SUGCT: variants seen among roughly 807,000 people sequenced by gnomAD.
SUGCT encodes the protein succinyl-CoA:glutarate-CoA transferase.
Under a neutral mutation model 55.0 loss-of-function variants are expected in SUGCT, and 41 were observed. The ratio of observed to expected loss-of-function variants is 0.74; its 90% CI spans 0.58 to 0.97. SUGCT has a LOEUF of 0.97. SUGCT is among the 50% of genes least tolerant of loss of function. SUGCT has a pLI of 0.00. For synonymous variants in SUGCT, 187 were observed against 200.4 expected (o/e 0.93, Z 0.56); for missense variants, 568 against 547.8 (o/e 1.04, Z -0.37).
At chr7:40,298,059 G>T (rs1443613837) in intron 8 of SUGCT, among the ~76,000 whole-genome samples, 2 of 149,008 alleles carry the variant, frequency 1.3e-5, no homozygotes, top group Non-Finnish European at 3.0e-5. Flanking sequence ...TCCCTTCCTT[G>T]CCTCCTTTGT....
At chr7:40,621,994 G>A (rs1359991967) in intron 12 of SUGCT, among the ~76,000 whole-genome samples, 1 of 152,172 alleles carries the variant, frequency 6.6e-6, no homozygotes, top group East Asian at 1.9e-4. Context: ...TAACAGCATC[G>A]TTAGGCAGCT....
At chr7:40,932,444 T>G in the SUGCT span, among the ~76,000 whole-genome samples, 1 of 152,198 alleles carries the variant, frequency 6.6e-6, no homozygotes, top group East Asian at 1.9e-4. Flanking sequence ...TTAGGTCCGC[T>G]TGGTGCAGAG....
At chr7:40,189,190 A>C (rs997927463) in intron 4 of SUGCT, among the ~76,000 whole-genome samples, 12 of 151,964 alleles carry the variant, frequency 7.9e-5, no homozygotes, top group Non-Finnish European at 1.5e-4. Context: ...AAAAATACAA[A>C]CATTAGCTGG....
At chr7:40,183,678 T>G (rs573590380) in intron 3 of SUGCT, among the ~76,000 whole-genome samples, 1 of 152,314 alleles carries the variant, frequency 6.6e-6, no homozygotes, top group South Asian at 2.1e-4. Context: ...TTTTATAATT[T>G]TAAAGGTTTT....
chr7:40,568,017 T>C (rs2151680649), intron 12 of SUGCT, among the ~76,000 whole-genome samples: 1 of 152,322 alleles, frequency 6.6e-6, no homozygotes, highest in East Asian at 1.9e-4. Flanking sequence ...ATGATTCCAT[T>C]TGAGTCTCAA....
chr7:40,684,502 A>G (rs1423951944), intron 12 of SUGCT, among the ~76,000 whole-genome samples: 1 of 152,212 alleles, frequency 6.6e-6, no homozygotes, highest in Non-Finnish European at 1.5e-5. Context: ...AAAACAGCAT[A>G]ACCTTGTGCC....
chr7:40,699,493 TC>T (rs1452488868), intron 12 of SUGCT, among the ~76,000 whole-genome samples: 1 of 152,208 alleles, frequency 6.6e-6, no homozygotes, highest in Non-Finnish European at 1.5e-5. Flanking sequence ...GTGATGAGTC[TC>T]CCCGTGTCCT....
At chr7:40,603,105 T>C (rs1423903895) in intron 12 of SUGCT, among the ~76,000 whole-genome samples, 1 of 152,230 alleles carries the variant, frequency 6.6e-6, no homozygotes, top group Non-Finnish European at 1.5e-5. Context: ...TATCCTCTAG[T>C]TGGTGCTCAT....
chr7:40,378,406 G>A (rs1784710924), intron 9 of SUGCT, among the ~76,000 whole-genome samples: 1 of 152,124 alleles, frequency 6.6e-6, no homozygotes, highest in Non-Finnish European at 1.5e-5. Flanking sequence ...TTGAGTCCTG[G>A]TGATTTTAAC....
At chr7:40,882,618 T>C in the SUGCT span, among the ~76,000 whole-genome samples, 2 of 152,214 alleles carry the variant, frequency 1.3e-5, no homozygotes, top group Admixed American at 1.3e-4. Context: ...ATGTGAAGTC[T>C]GCTACCCATT....
intron 12 of SUGCT, among the ~76,000 whole-genome samples, chr7:40,726,156 G>C (rs1223724253): frequency 2.6e-5 from 4 of 152,034 alleles, no homozygotes; most frequent in Non-Finnish European, 4.4e-5. Flanking sequence ...ACGGTGTCAG[G>C]ACAACCACGT....
intron 7 of SUGCT, among the ~76,000 whole-genome samples, chr7:40,245,419 A>T (rs568122139): frequency 0.046 from 1,134 of 24,838 alleles, 108 homozygotes; most frequent in East Asian, 0.39. Context: ...ATATATATAT[A>T]TATATTTTTT....
chr7:41,020,975 T>G, the SUGCT span, among the ~76,000 whole-genome samples: 2 of 152,188 alleles, frequency 1.3e-5, no homozygotes, highest in Non-Finnish European at 2.9e-5. Flanking sequence ...TGCTCACAGA[T>G]GGACAGGAGA....
rs144029665 is a variant in SUGCT, at chr7:40,693,788, T to C, written c.1090-55646T>C. On this transcript the variant is annotated intron_variant, in intron 12 of 13. Transcript: ENST00000335693. ...CATTAGCTGGTATTTATTTCTTCCCTAATCCAGTTACATGAACACAATTAA... is the reference window on the plus strand; with the variant it reads ...CATTAGCTGGTATTTATTTCTTCCCCAATCCAGTTACATGAACACAATTAA... 1.1e-4 allele frequency among the ~76,000 whole-genome samples: 17 copies of C among 152,360 alleles called. No individual in the cohort carries two copies. In the East Asian group the frequency reaches 2.5e-3, roughly 22 times the overall value.
intron 12 of SUGCT, among the ~76,000 whole-genome samples, chr7:40,593,590 C>T (rs2151738592): frequency 6.6e-6 from 1 of 152,240 alleles, no homozygotes; most frequent in East Asian, 1.9e-4. Context: ...CCTGTAATCC[C>T]AGCACTTTGG....
At chr7:40,710,410 C>A (rs916264188) in intron 12 of SUGCT, among the ~76,000 whole-genome samples, 1 of 152,022 alleles carries the variant, frequency 6.6e-6, no homozygotes, top group Non-Finnish European at 1.5e-5. Context: ...TAGATACAAC[C>A]CCAGCCTCTG....
the SUGCT span, among the ~76,000 whole-genome samples, chr7:40,986,646 G>A: frequency 6.6e-6 from 1 of 152,194 alleles, no homozygotes. Flanking sequence ...TTTTTAGCAA[G>A]TACCTTCATC....
chr7:40,922,848 C>T, the SUGCT span, among the ~76,000 whole-genome samples: 1 of 152,234 alleles, frequency 6.6e-6, no homozygotes, highest in African/African-American at 2.4e-5. Context: ...TCTTTCCCCT[C>T]TTTGCCCCGG....
chr7:40,684,114 A>G (rs1784367692), intron 12 of SUGCT: 1 of 1,609,388 alleles, frequency 6.2e-7, no homozygotes, highest in Non-Finnish European at 8.5e-7. Flanking sequence ...CCCTTCCTTC[A>G]TCTTCAAGGA....
Sources: allele counts gnomAD v4.1 joint callset (sites outside exome capture counted in the v4.1 genomes callset), GRCh38; gene constraint gnomAD v4.1.1; transcripts MANE v1.5; gene names NCBI Gene and HGNC (gene_info 2026-07-23, HGNC 2026-07-21).